HERC2: variants seen among roughly 807,000 people sequenced by gnomAD.
HERC2 encodes the protein E3 ubiquitin-protein ligase HERC2.
Under a neutral mutation model 537.7 loss-of-function variants are expected in HERC2, and 102 were observed. That is an observed-to-expected ratio of 0.19 (90% CI 0.16 to 0.22). HERC2 has a LOEUF of 0.22. Among genes scored for constraint, HERC2 ranks in the 10% least tolerant of loss-of-function variants. The pLI is 1.00. For missense variants in HERC2, 4,236 were observed against 6,198.2 expected, an observed-to-expected ratio of 0.68 and a Z score of 10.63; for synonymous variants, 2,224 against 2,466.2, an observed-to-expected ratio of 0.90 and a Z score of 2.91.
Position 28,229,441 on chromosome 15 carries a change from A to C in HERC2, c.5120+19T>G. 6.2e-7 allele frequency: 1 copy of C among 1,613,746 alleles called. No homozygotes were observed. Among genetic ancestry groups the C allele is most frequent in the South Asian group, 1.1e-5 (1 of 91,068 alleles). On this transcript the variant is annotated intron_variant, in intron 33 of 92. Transcript: ENST00000261609. The stretch of plus-strand genomic sequence containing the variant: ...GCCATAGCTACCTTAATTAAGAAAA[A>C]AATATGCTAACGTTTTACCCTATAT...
At chr15:28,188,146 TGTA>T (rs1274129730) in intron 55 of HERC2, among the ~76,000 whole-genome samples, 3 of 152,038 alleles carry the variant, frequency 2.0e-5, no homozygotes, top group African/African-American at 7.2e-5. Context: ...GTGACTTAAG[TGTA>T]GTGTAGAATG....
At position 28,143,913 on chromosome 15, in the gene HERC2, T is replaced by C. The variant is rs1486170977; in HGVS notation, c.11378A>G (p.Asn3793Ser). ...CCCATCATTTTCTCCAAGCAGCCTA[T>C]TTATGTTAATTGACTGCCCAAATTC... is the stretch of plus-strand genomic sequence containing the variant. ...TTEFGQSININRLLGENDGET... is the reference protein window; with the variant it reads ...TTEFGQSINISRLLGENDGET... The change falls in exon 74 of 93, where the codon AAT becomes AGT. Residue 3793 changes from asparagine to serine, a missense_variant. Asn to Ser is a conservative substitution (Grantham distance 46). This residue lies in a region of HERC2 where 109 missense variants were observed against 133.5 expected (regional missense o/e 0.82). Coordinates refer to ENST00000261609, the MANE Select transcript of HERC2 (RefSeq NM_004667.6). The C allele has an allele frequency of 2.5e-6, 4 of 1,614,096 alleles. No individual in the cohort carries two copies. In the South Asian group the frequency reaches 4.4e-5, roughly 18 times the overall value.
intron 52 of HERC2, among the ~76,000 whole-genome samples, chr15:28,195,438 GC>G (rs1162260342): frequency 6.6e-6 from 1 of 152,164 alleles, no homozygotes; most frequent in East Asian, 1.9e-4. Flanking sequence ...TCCAGCCTGG[GC>G]GACAGACTGA....
In HERC2 at chr15:28,268,655, C is replaced by A; in HGVS notation, c.1447-39G>T. 6.3e-7 allele frequency: 1 copy of A among 1,577,432 alleles called. No homozygotes were observed. The highest frequency in any genetic ancestry group is 1.1e-5 in the South Asian group (1 of 87,224). ...AATACGAAGAAAAGTAGTCATCAGTCCAAGGAAAATGAAACCAGCTCAGCT... is the reference window on the plus strand; with the variant it reads ...AATACGAAGAAAAGTAGTCATCAGTACAAGGAAAATGAAACCAGCTCAGCT... On this transcript the variant is annotated intron_variant, in intron 11 of 92. Transcript: ENST00000261609. The surrounding 1 kb of genome is among the most constrained non-coding windows in gnomAD (Gnocchi z 4.7).
chr15:28,125,680 C>CT (rs571644746), intron 83 of HERC2, among the ~76,000 whole-genome samples: 39 of 150,300 alleles, frequency 2.6e-4, no homozygotes, highest in Admixed American at 1.5e-3. Context: ...TTATTTTATA[C>CT]TTTTTTTTTT....
intron 20 of HERC2, among the ~76,000 whole-genome samples, chr15:28,252,505 T>C (rs1054227805): frequency 6.6e-6 from 1 of 152,204 alleles, no homozygotes; most frequent in African/African-American, 2.4e-5. Flanking sequence ...ACATTTTAAT[T>C]ACAAAGGTTT....
chr15:28,313,952 T>C (rs2077013185), intron 2 of HERC2, among the ~76,000 whole-genome samples: 2 of 152,132 alleles, frequency 1.3e-5, no homozygotes, highest in Admixed American at 1.3e-4. Flanking sequence ...GCAGACCCCA[T>C]GCTCTGAGCT....
intron 74 of HERC2, among the ~76,000 whole-genome samples, chr15:28,143,432 C>T (rs1351411703): frequency 6.6e-6 from 1 of 151,978 alleles, no homozygotes; most frequent in Non-Finnish European, 1.5e-5. Context: ...GGGACAAAGG[C>T]CTCCTTATTT....
intron 69 of HERC2, among the ~76,000 whole-genome samples, chr15:28,156,828 C>T (rs1893063025): frequency 6.6e-6 from 1 of 152,160 alleles, no homozygotes; most frequent in Non-Finnish European, 1.5e-5. Flanking sequence ...CTGTCTTGTG[C>T]CAGTTTTCAA....
chr15:28,304,530 G>A (rs1428849295), intron 2 of HERC2, among the ~76,000 whole-genome samples: 29 of 151,730 alleles, frequency 1.9e-4, no homozygotes. Context: ...ACCACGCCTA[G>A]CTAATTTTTA....
chr15:28,170,391 A>C (rs1465635635), intron 65 of HERC2, among the ~76,000 whole-genome samples: 2 of 152,242 alleles, frequency 1.3e-5, no homozygotes, highest in African/African-American at 4.8e-5. Context: ...GACTGTTGAC[A>C]AACGTGCAAA....
chr15:28,198,490 T>C lies in HERC2; in HGVS notation c.7899A>G (p.Pro2633=). Residue 2633 remains proline, a synonymous_variant, in exon 50 of 93, where the codon CCA becomes CCG. Transcript: ENST00000261609. The part of the protein sequence containing the change: ...IHVELIGYPP[P]SSSSHIKIGD... The stretch of plus-strand genomic sequence containing the variant: ...CAATCTTGATGTGAGAAGAAGAACT[T>C]GGTGGAGGATAGCCTACAGATGTCA... 6.2e-7 allele frequency: 1 copy of C among 1,614,102 alleles called. No individual in the cohort carries two copies. Among genetic ancestry groups the C allele is most frequent in the Non-Finnish European group, 8.5e-7 (1 of 1,180,014 alleles).
intron 74 of HERC2, 81 bp downstream of exon 74, chr15:28,143,792 A>G: frequency 6.5e-7 from 1 of 1,550,030 alleles, no homozygotes. Flanking sequence ...CCTCTCAACG[A>G]TTTAGAGGTT....
Position 28,268,848 on chromosome 15 carries a change from C to T in HERC2, c.1447-232G>A, listed in dbSNP as rs1330944231. ...GACCAGAGCCGATGCAGGGGCAGGGCAGGCTAGCCCCATGCCACAGAGACA... is the reference window on the plus strand; with the variant it reads ...GACCAGAGCCGATGCAGGGGCAGGGTAGGCTAGCCCCATGCCACAGAGACA... On this transcript the variant is annotated intron_variant, in intron 11 of 92. Transcript: ENST00000261609. This position sits in a 1 kb window ranked among gnomAD's most constrained non-coding sequence, Gnocchi z 4.7. 6.6e-6 allele frequency among the ~76,000 whole-genome samples: 1 copy of T among 152,206 alleles called. No individual in the cohort carries two copies. The highest frequency in any genetic ancestry group is 6.5e-5 in the Admixed American group (1 of 15,286).
intron 44 of HERC2, among the ~76,000 whole-genome samples, chr15:28,210,466 G>C (rs1238424853): frequency 6.6e-6 from 1 of 152,106 alleles, no homozygotes; most frequent in Non-Finnish European, 1.5e-5. Context: ...ATGCCTTTTC[G>C]TGTGATAAAG....
Position 28,308,296 on chromosome 15 carries a change from T to C in HERC2, c.73-8780A>G, listed in dbSNP as rs562093249. ...ATCTTCTTTGGTTACTTCCCAGGTA[T>C]TTAATTTCATGTGTGGCTACTATAA... On this transcript the variant is annotated intron_variant, in intron 2 of 92. Transcript: ENST00000261609. 3.9e-5 allele frequency among the ~76,000 whole-genome samples: 6 copies of C among 152,350 alleles called. No individual in the cohort carries two copies. In the East Asian group the frequency reaches 5.8e-4, roughly 15 times the overall value.
rs1901578424 is a variant in HERC2 at position 28,229,299 on chromosome 15, A to G, written c.5168T>C (p.Phe1723Ser). ...CLKDVDLIPP[F>S]NRMLLEVTFG... ...GGTGACTTCCAGCAGCATCCGATTA[A>G]AAGGCGGGATCAAATCAACATCCTT... The change falls in exon 34 of 93, where the codon TTT becomes TCT. Residue 1723 changes from phenylalanine to serine, a missense_variant. Transcript: ENST00000261609. The G allele has an allele frequency of 6.2e-7, 1 of 1,612,976 alleles. No individual in the cohort carries two copies. Among genetic ancestry groups the G allele is most frequent in the Non-Finnish European group, 8.5e-7 (1 of 1,178,928 alleles).
chr15:28,111,713 C>T lies in HERC2; in HGVS notation c.*50G>A, dbSNP rs1129038. The T allele has an allele frequency of 0.65, 1,033,906 of 1,591,722 alleles. 392,098 individuals carry two copies. Among genetic ancestry groups the T allele is most frequent in the Non-Finnish European group, 0.77 (896,527 of 1,164,874 alleles). On this transcript the variant is annotated 3_prime_UTR_variant, in exon 93 of 93. Coordinates refer to ENST00000261609, the MANE Select transcript of HERC2 (RefSeq NM_004667.6). ...AGCCTACAGTCTACACAGCAGCGAG[C>T]GCTCTGCTGCCTGGCTCAGGCTCTC...
intron 64 of HERC2, 57 bp downstream of exon 64, chr15:28,175,455 C>G: frequency 2.7e-6 from 4 of 1,496,626 alleles, no homozygotes; most frequent in Non-Finnish European, 3.7e-6. Context: ...CGTGTCATGA[C>G]CCCCACGTCC....
Sources: gnomAD v4.1 joint callset for allele counts (sites outside exome capture counted in the v4.1 genomes callset) on GRCh38, gnomAD v4.1.1 for gene constraint, gnomAD v4.1.1 regional missense constraint, Gnocchi (gnomAD v3.1) non-coding constraint, MANE v1.5 for transcripts, NCBI Gene and HGNC (gene_info 2026-07-23, HGNC 2026-07-21) for gene names.